SAXO1: variants seen among roughly 807,000 people sequenced by gnomAD.
The protein encoded by SAXO1 is stabilizer of axonemal microtubules 1.
Under a neutral mutation model 17.5 loss-of-function variants are expected in SAXO1, and 21 were observed. The observed-to-expected ratio is 1.20, with a 90% CI of 0.85 to 1.72. SAXO1 has a LOEUF of 1.72. Ranked by LOEUF, SAXO1 falls within the 40% of genes most tolerant of loss-of-function variation. The pLI is 0.00. For synonymous variants in SAXO1, 274 were observed against 216.5 expected (o/e 1.27, Z -2.33); for missense variants, 843 against 596.0 (o/e 1.41, Z -4.32).
At chr9:19,035,090 C>G (rs1386886226), upstream of SAXO1, among the ~76,000 whole-genome samples, 3 of 152,188 alleles carry the variant, frequency 2.0e-5, no homozygotes, top group Non-Finnish European at 4.4e-5. Context: ...ACAACCTCCC[C>G]TCACCTAGTT....
chr9:19,010,082 G>C (rs974961682), intron 1 of SAXO1, among the ~76,000 whole-genome samples: 7 of 152,022 alleles, frequency 4.6e-5, no homozygotes, highest in Middle Eastern at 3.4e-3. Flanking sequence ...ACCAGCCTTG[G>C]CCTCCCAAAG....
At chr9:18,936,434 G>C (rs955634564) in intron 3 of SAXO1, among the ~76,000 whole-genome samples, 2 of 152,052 alleles carry the variant, frequency 1.3e-5, no homozygotes, top group Admixed American at 1.3e-4. Flanking sequence ...CTCCCTCAAG[G>C]TACTTGGGGG....
intron 3 of SAXO1, among the ~76,000 whole-genome samples, chr9:18,933,187 AT>A (rs528114767): frequency 1.3e-5 from 2 of 152,310 alleles, no homozygotes; most frequent in South Asian, 4.1e-4. Context: ...AATGCCCTTT[AT>A]CAGGCTGAGG....
chr9:19,011,708 C>T (rs570813618), intron 1 of SAXO1, among the ~76,000 whole-genome samples: 1 of 152,158 alleles, frequency 6.6e-6, no homozygotes, highest in South Asian at 2.1e-4. Flanking sequence ...CCAGTTTTAA[C>T]AACCAAATCC....
At chr9:18,961,632 C>T (rs895380260) in intron 1 of SAXO1, among the ~76,000 whole-genome samples, 5 of 152,180 alleles carry the variant, frequency 3.3e-5, no homozygotes, top group Non-Finnish European at 7.3e-5. Flanking sequence ...ATGATGGTTT[C>T]CAGCTTCATC....
At chr9:18,935,029 G>C (rs530304329) in intron 3 of SAXO1, among the ~76,000 whole-genome samples, 2 of 152,160 alleles carry the variant, frequency 1.3e-5, no homozygotes, top group Non-Finnish European at 2.9e-5. Flanking sequence ...CCGGGTTCAA[G>C]CGATTCTCCT....
chr9:18,939,480 C>A (rs1257279852), intron 3 of SAXO1, among the ~76,000 whole-genome samples: 2 of 152,238 alleles, frequency 1.3e-5, no homozygotes, highest in East Asian at 3.9e-4. Context: ...GTGCAAGGCA[C>A]CCATATAGCA....
intron 1 of SAXO1, among the ~76,000 whole-genome samples, chr9:18,970,289 C>G (rs963224663): frequency 6.6e-6 from 1 of 152,200 alleles, no homozygotes. Flanking sequence ...ATCAACCACT[C>G]AACATGTATT....
At chr9:19,022,186 G>GT (rs1307403315) in intron 1 of SAXO1, among the ~76,000 whole-genome samples, 2 of 152,190 alleles carry the variant, frequency 1.3e-5, no homozygotes, top group African/African-American at 4.8e-5. Flanking sequence ...TTTAAGAGCT[G>GT]TAACACTCAC....
At chr9:19,047,350 T>G (rs1408472459) in intron 1 of SAXO1, among the ~76,000 whole-genome samples, 3 of 151,646 alleles carry the variant, frequency 2.0e-5, no homozygotes, top group African/African-American at 7.3e-5. Flanking sequence ...GGCAACAGAG[T>G]GAGACTCTGT....
At chr9:18,965,821 T>C (rs1235320522) in intron 1 of SAXO1, among the ~76,000 whole-genome samples, 3 of 152,244 alleles carry the variant, frequency 2.0e-5, no homozygotes, top group African/African-American at 4.8e-5. Flanking sequence ...CATTAGTTGA[T>C]GCAGTTTCTT....
Position 18,941,613 on chromosome 9 carries a change from A to G in SAXO1, c.421+24T>C, listed in dbSNP as rs756702121. On this transcript the variant is annotated intron_variant, in intron 3 of 3. Transcript: ENST00000380534. ...ACAGGCTCAGCCTGTCTTTCCCCCA[A>G]TCTGCCCCTCTGTGCTCTCCCACCT... 9.3e-6 allele frequency: 15 copies of G among 1,613,230 alleles called. No homozygotes were observed. In the Admixed American group the frequency reaches 1.0e-4, roughly 11 times the overall value.
chr9:18,946,368 G>C (rs1463174511), intron 2 of SAXO1, among the ~76,000 whole-genome samples: 1 of 148,356 alleles, frequency 6.7e-6, no homozygotes, highest in Non-Finnish European at 1.5e-5. Context: ...GGAAATGAGA[G>C]AGTCAAAGAC....
intron 2 of SAXO1, among the ~76,000 whole-genome samples, chr9:18,949,467 T>C (rs529214251): frequency 6.6e-6 from 1 of 151,390 alleles, no homozygotes; most frequent in African/African-American, 2.4e-5. Context: ...AAAAAAAAAA[T>C]TTTTTTTAAG....
chr9:18,931,692 G>C (rs1831057357), intron 3 of SAXO1, among the ~76,000 whole-genome samples: 3 of 152,176 alleles, frequency 2.0e-5, no homozygotes, highest in Admixed American at 6.5e-5. Context: ...GTTATCATCT[G>C]TGTTTTTAAA....
chr9:18,943,386 A>T (rs1412933808), intron 2 of SAXO1, among the ~76,000 whole-genome samples: 4 of 152,222 alleles, frequency 2.6e-5, no homozygotes, highest in African/African-American at 9.6e-5. Context: ...GAATGGACTG[A>T]ACAAGCAGCC....
At chr9:18,968,171 A>C (rs1414876004) in intron 1 of SAXO1, among the ~76,000 whole-genome samples, 5 of 152,224 alleles carry the variant, frequency 3.3e-5, no homozygotes, top group African/African-American at 1.2e-4. Flanking sequence ...TGGGAGCTGC[A>C]GACTGGAGCT....
chr9:18,997,829 G>T (rs1834072070), intron 1 of SAXO1, among the ~76,000 whole-genome samples: 1 of 152,190 alleles, frequency 6.6e-6, no homozygotes, highest in Non-Finnish European at 1.5e-5. Context: ...AGGCAAACAA[G>T]TTCTGGAGTG....
Position 18,963,229 on chromosome 9 carries a change from G to C in SAXO1, c.39-12292C>G, listed in dbSNP as rs181175860. On this transcript the variant is annotated intron_variant, in intron 1 of 3. Coordinates refer to ENST00000380534, the MANE Select transcript of SAXO1 (RefSeq NM_153707.4). ...TTGTAGTATAGTTTGAAGTCAGGCA[G>C]CATGATGCCTCCAGCTTTGTTCTTT... Among the ~76,000 whole-genome samples the C allele has an allele frequency of 2.9e-3, 445 of 152,322 alleles. 3 individuals are homozygous for C. The highest frequency in any genetic ancestry group is 0.01 in the African/African-American group (420 of 41,570).
Sources: allele counts gnomAD v4.1 joint callset (sites outside exome capture counted in the v4.1 genomes callset), GRCh38; gene constraint gnomAD v4.1.1; transcripts MANE v1.5; gene names NCBI Gene and HGNC (gene_info 2026-07-23, HGNC 2026-07-21).